The following TPI1 variants were observed in gnomAD, a reference collection of about 807,000 sequenced individuals.
TPI1 encodes triosephosphate isomerase 1.
TPI1 carries 11 observed loss-of-function variants against 31.0 expected under a neutral mutation model. That is an observed-to-expected ratio of 0.36 (90% CI 0.22 to 0.59). TPI1 has a LOEUF of 0.59. Among genes scored for constraint, TPI1 ranks in the 20% least tolerant of loss-of-function variants. The probability of loss-of-function intolerance (pLI) is 0.79; values close to 1 mark genes in which losing one functional copy is unlikely to be tolerated. For missense variants in TPI1, 245 were observed against 319.7 expected (o/e 0.77, Z 1.78); for synonymous variants, 121 against 122.8 (o/e 0.99, Z 0.10).
intron 1 of TPI1, chr12:6,868,399 G>A: frequency 2.3e-6 from 3 of 1,288,486 alleles, no homozygotes; most frequent in Non-Finnish European, 2.0e-6. Context: ...AGAGCCGCGG[G>A]CCTGATCCAA....
intron 5 of TPI1, 24 bp from the exon 6 acceptor site, chr12:6,870,025 A>ACTTAGGGTT (rs1944552092): frequency 3.1e-6 from 5 of 1,613,778 alleles, no homozygotes; most frequent in Non-Finnish European, 4.2e-6. Flanking sequence ...AAAAGGTCTT[A>ACTTAGGGTT]CTTAGGCCAG....
intron 1 of TPI1, 22 bp downstream of exon 1, chr12:6,867,703 G>T (rs1555131596): frequency 1.3e-6 from 2 of 1,591,604 alleles, no homozygotes; most frequent in African/African-American, 2.7e-5. Flanking sequence ...CCGAGGAGGG[G>T]TCTGGCCGGG....
chr12:6,869,903 A>G, intron 5 of TPI1, 130 bp downstream of exon 5: 1 of 1,393,966 alleles, frequency 7.2e-7, no homozygotes, highest in Non-Finnish European at 1.0e-6. Flanking sequence ...TGACTTGTCC[A>G]AGGGCATCCA....
Position 6,870,219 on chromosome 12 carries a change from G to C in TPI1, c.632-46G>C, listed in dbSNP as rs553657239. ...CGGACATGGAGGTGGGGATGGGGCA[G>C]ACTCATCCCATTCTTGACCAAGCCC... On this transcript the variant is annotated intron_variant, in intron 6 of 6. Coordinates refer to ENST00000396705, the MANE Select transcript of TPI1 (RefSeq NM_000365.6). The C allele has an allele frequency of 1.1e-4, 174 of 1,604,150 alleles. 4 individuals are homozygous for C. In the South Asian group the frequency reaches 1.9e-3, roughly 17 times the overall value.
chr12:6,869,120 C>G lies in TPI1; in HGVS notation c.261C>G (p.Cys87Trp), dbSNP rs370863694. Residue 87 changes from cysteine to tryptophan, a missense_variant, in exon 3 of 7, where the codon TGC becomes TGG. Cys to Trp is a radical substitution (Grantham distance 215). Around this residue, in one of 3 missense-constraint regions of TPI1, gnomAD observed 23 missense variants for 59.6 expected, o/e 0.39. Coordinates refer to ENST00000396705, the MANE Select transcript of TPI1 (RefSeq NM_000365.6). The stretch of plus-strand genomic sequence containing the variant: ...TTAGCCCTGGCATGATCAAAGACTG[C>G]GGAGCCACGTGGGTGGTCCTGGGGC... ...GEISPGMIKD[C>W]GATWVVLGHS... 6.2e-7 allele frequency: 1 copy of G among 1,614,024 alleles called. No homozygotes were observed. Among genetic ancestry groups the G allele is most frequent in the Non-Finnish European group, 8.5e-7 (1 of 1,180,046 alleles).
At position 6,869,147 on chromosome 12, in the gene TPI1, C is replaced by T. The variant is rs782131797; in HGVS notation, c.288C>T (p.His96=). 24 of 1,614,170 alleles carry T rather than the reference C, an allele frequency of 1.5e-5. No individual in the cohort carries two copies. In the Admixed American group the frequency reaches 2.5e-4, roughly 17 times the overall value. Residue 96 remains histidine (H), a synonymous_variant, in exon 3 of 7, where the codon CAC becomes CAT. Coordinates refer to ENST00000396705, the MANE Select transcript of TPI1 (RefSeq NM_000365.6). The part of the protein sequence containing the change: ...DCGATWVVLG[H]SERRHVFGES... ...GAGCCACGTGGGTGGTCCTGGGGCA[C>T]TCAGAGAGAAGGCATGTCTTTGGGG... is the stretch of plus-strand genomic sequence containing the variant.
intron 1 of TPI1, 91 bp downstream of exon 1, chr12:6,867,772 A>T (rs782561574): frequency 7.5e-7 from 1 of 1,339,998 alleles, no homozygotes; most frequent in South Asian, 1.5e-5. Flanking sequence ...CGAGGCCCCG[A>T]GGCCGGTATC....
Position 6,869,675 on chromosome 12 carries a change from C to G in TPI1, c.458-13C>G, listed in dbSNP as rs781893698. On this transcript the variant is annotated splice_polypyrimidine_tract_variant and intron_variant, in intron 4 of 6. Coordinates refer to ENST00000396705, the MANE Select transcript of TPI1 (RefSeq NM_000365.6). ...TGTTCACCCTTCCCTCCATCTGTAT[C>G]TCTGCCCTGCAGATAACGTGAAGGA... 2 of 1,614,066 alleles carry G rather than the reference C, an allele frequency of 1.2e-6. No individual in the cohort carries two copies. Among genetic ancestry groups the G allele is most frequent in the Non-Finnish European group, 1.7e-6 (2 of 1,179,900 alleles).
intron 1 of TPI1, chr12:6,867,974 C>A: frequency 2.0e-6 from 2 of 992,718 alleles, no homozygotes; most frequent in East Asian, 3.8e-5. Flanking sequence ...GGGCTGTGCC[C>A]GCCAGGCGAC....
intron 4 of TPI1, 120 bp downstream of exon 4, chr12:6,869,510 G>A: frequency 1.9e-6 from 3 of 1,543,942 alleles, no homozygotes; most frequent in South Asian, 1.1e-5. Flanking sequence ...AAAGGGGAGG[G>A]GGAGTGACAA....
chr12:6,869,458 C>T, intron 4 of TPI1, 68 bp downstream of exon 4: 2 of 1,608,552 alleles, frequency 1.2e-6, no homozygotes, highest in Non-Finnish European at 1.7e-6. Flanking sequence ...AGGGTCAGGC[C>T]CTGGAGCCTG....
intron 4 of TPI1, 52 bp downstream of exon 4, chr12:6,869,442 G>C (rs1944534200): frequency 6.2e-7 from 1 of 1,612,712 alleles, no homozygotes; most frequent in African/African-American, 1.3e-5. Context: ...CAGAGACTCA[G>C]AGGGTAGGGT....
intron 1 of TPI1, chr12:6,868,582 C>A: frequency 1.5e-6 from 2 of 1,328,094 alleles, no homozygotes; most frequent in Non-Finnish European, 9.7e-7. Flanking sequence ...GGTGCCTATG[C>A]CGAGAATAGC....
rs1555132476 is a variant in TPI1, at chr12:6,870,033, C to T, written c.544-16C>T. The T allele has an allele frequency of 1.2e-6, 2 of 1,613,324 alleles. No individual in the cohort carries two copies. Among genetic ancestry groups the T allele is most frequent in the Non-Finnish European group, 1.7e-6 (2 of 1,179,212 alleles). On this transcript the variant is annotated splice_polypyrimidine_tract_variant and intron_variant, in intron 5 of 6. Coordinates refer to ENST00000396705, the MANE Select transcript of TPI1 (RefSeq NM_000365.6). ...GAGGCAGAAAAGGTCTTACTTAGGC[C>T]AGCTTCTTGTTCTAGGCCCAGGAAG... is the stretch of plus-strand genomic sequence containing the variant.
intron 1 of TPI1, 134 bp from the exon 2 acceptor site, chr12:6,868,730 T>C (rs1369002143): frequency 1.4e-6 from 2 of 1,445,832 alleles, no homozygotes; most frequent in Non-Finnish European, 1.9e-6. Context: ...GTCATCTTGC[T>C]GGGGTGAAAA....
In TPI1 at chr12:6,870,265, G is replaced by C; in HGVS notation, c.632G>C (p.Gly211Ala). 1 of 1,613,666 alleles carries C rather than the reference G, an allele frequency of 6.2e-7. No individual in the cohort carries two copies. Among genetic ancestry groups the C allele is most frequent in the East Asian group, 2.2e-5 (1 of 44,882 alleles). The change falls in exon 7 of 7, where the codon GGC (glycine) becomes GCC (alanine). Residue 211 changes from glycine (G) to alanine (A), a missense_variant and splice_region_variant. By Grantham distance (60) the Gly-to-Ala change is moderately conservative. Around this residue, in one of 3 missense-constraint regions of TPI1, gnomAD observed 127 missense variants for 163.7 expected, o/e 0.78. Coordinates refer to ENST00000396705, the MANE Select transcript of TPI1 (RefSeq NM_000365.6). ...VAQSTRIIYG[G>A]SVTGATCKEL... is the part of the protein sequence containing the mutation. ...AGCCCTTGTTCTGCTCCCTTCCCAG[G>C]CTCTGTGACTGGGGCAACCTGCAAG...
At position 6,869,156 on chromosome 12, in the gene TPI1, A is replaced by C; in HGVS notation, c.297A>C (p.Arg99Ser). 1 of 1,614,198 alleles carries C rather than the reference A, an allele frequency of 6.2e-7. No homozygotes were observed. ...GGGTGGTCCTGGGGCACTCAGAGAG[A>C]AGGCATGTCTTTGGGGAGTCAGATG... The part of the protein sequence containing the change: ...ATWVVLGHSE[R>S]RHVFGESDEL... Residue 99 changes from arginine to serine, a missense_variant, in exon 3 of 7, where the codon AGA (arginine) becomes AGC (serine). Arg to Ser is a moderately radical substitution (Grantham distance 110). Transcript: ENST00000396705.
Position 6,869,865 on chromosome 12 carries a change from GAC to G in TPI1, c.543+96_543+97del, listed in dbSNP as rs763863379. ...ACATGGGGCAACCCCTTATTTCAAA[GAC>G]ACAGAGACCTTGAACCCAGAGACAG... On this transcript the variant is annotated intron_variant, in intron 5 of 6. Coordinates refer to ENST00000396705, the MANE Select transcript of TPI1 (RefSeq NM_000365.6). 976 of 1,491,540 alleles carry G rather than the reference GAC, an allele frequency of 6.5e-4. 2 individuals carry two copies. The highest frequency in any genetic ancestry group is 7.5e-4 in the Non-Finnish European group (803 of 1,072,236). The allele number at this position is 1,491,540 out of a possible 1,614,324, so 92.4% of individuals were successfully genotyped here.
At chr12:6,868,759 G>A (rs1211133315) in intron 1 of TPI1, 105 bp from the exon 2 acceptor site, 2 of 1,510,128 alleles carry the variant, frequency 1.3e-6, no homozygotes, top group African/African-American at 1.4e-5. Flanking sequence ...GCAGAACCAA[G>A]AAGAAGAGGG....
Sources: gnomAD v4.1 joint callset for allele counts on GRCh38, gnomAD v4.1.1 for gene constraint, gnomAD v4.1.1 regional missense constraint, MANE v1.5 for transcripts, NCBI Gene and HGNC (gene_info 2026-07-23, HGNC 2026-07-21) for gene names.